The following ARHGEF7 variants were observed in gnomAD, a reference collection of about 807,000 sequenced individuals.
The protein encoded by ARHGEF7 is Rho guanine nucleotide exchange factor 7.
A neutral mutation model predicts 109.8 loss-of-function variants in ARHGEF7; 33 were observed. The ratio of observed to expected loss-of-function variants is 0.30; its 90% confidence interval spans 0.23 to 0.40. ARHGEF7 has a LOEUF of 0.40. Among genes scored for constraint, ARHGEF7 ranks in the 10% least tolerant of loss-of-function variants. ARHGEF7 has a pLI of 1.00. For missense variants in ARHGEF7, 938 were observed against 1,098.5 expected (o/e 0.85, Z 2.07); for synonymous variants, 458 against 424.6 (o/e 1.08, Z -0.97).
intron 5 of ARHGEF7, among the ~76,000 whole-genome samples, chr13:111,230,148 G>C (rs899446959): frequency 3.3e-5 from 5 of 151,818 alleles, no homozygotes; most frequent in African/African-American, 4.8e-5. Flanking sequence ...AAATTTTCTT[G>C]TTTTCAGCAT....
chr13:111,233,425 T>A, intron 6 of ARHGEF7, 132 bp downstream of exon 6: 1 of 710,970 alleles, frequency 1.4e-6, no homozygotes, highest in Non-Finnish European at 2.5e-6. Context: ...CACACAAATG[T>A]AACCACCATT....
intron 3 of ARHGEF7, among the ~76,000 whole-genome samples, chr13:111,205,624 A>G (rs1454439431): frequency 6.6e-6 from 1 of 152,170 alleles, no homozygotes; most frequent in African/African-American, 2.4e-5. Flanking sequence ...ACCTGAACGT[A>G]TAGCAGGAGA....
chr13:111,219,763 G>T (rs190535224), intron 5 of ARHGEF7, among the ~76,000 whole-genome samples: 94 of 152,080 alleles, frequency 6.2e-4, no homozygotes, highest in Non-Finnish European at 1.2e-3. Flanking sequence ...AAATCGACTT[G>T]GGCAGAATTT....
At chr13:111,216,646 G>A (rs1292084897) in intron 4 of ARHGEF7, among the ~76,000 whole-genome samples, 1 of 152,192 alleles carries the variant, frequency 6.6e-6, no homozygotes. Context: ...GTTCCCTAGA[G>A]CTCTGAACGT....
At chr13:111,207,542 A>G (rs1464607101) in intron 3 of ARHGEF7, among the ~76,000 whole-genome samples, 1 of 152,248 alleles carries the variant, frequency 6.6e-6, no homozygotes, top group Non-Finnish European at 1.5e-5. Flanking sequence ...AAAATCTACA[A>G]GTAATCCTTA....
chr13:111,299,231 G>A (rs915368471), intron 19 of ARHGEF7, among the ~76,000 whole-genome samples: 4 of 152,214 alleles, frequency 2.6e-5, no homozygotes, highest in Middle Eastern at 6.8e-3. Context: ...TGGTGCCCTC[G>A]CGTGTCAGGA....
At chr13:111,211,543 A>T (rs1432308657) in intron 4 of ARHGEF7, among the ~76,000 whole-genome samples, 1 of 152,166 alleles carries the variant, frequency 6.6e-6, no homozygotes, top group East Asian at 1.9e-4. Flanking sequence ...AAATTTCGTT[A>T]TACTAGAAAT....
At chr13:111,191,417 C>T (rs956789018) in intron 2 of ARHGEF7, among the ~76,000 whole-genome samples, 6 of 152,114 alleles carry the variant, frequency 3.9e-5, no homozygotes, top group East Asian at 1.9e-4. Context: ...AATGTAAGAA[C>T]GTAAAAGTTG....
chr13:111,221,843 T>A (rs1247607732), intron 5 of ARHGEF7, among the ~76,000 whole-genome samples: 1 of 151,882 alleles, frequency 6.6e-6, no homozygotes, highest in African/African-American at 2.4e-5. Flanking sequence ...CGTATATGTG[T>A]ATATGTATAC....
chr13:111,246,050 G>T (rs952991234), intron 8 of ARHGEF7, among the ~76,000 whole-genome samples: 2 of 152,190 alleles, frequency 1.3e-5, no homozygotes, highest in East Asian at 3.8e-4. Context: ...AGGGACAGAG[G>T]CATGTTCTGA....
At chr13:111,162,021 T>G (rs776862769) in intron 2 of ARHGEF7, among the ~76,000 whole-genome samples, 159 of 152,224 alleles carry the variant, frequency 1.0e-3, no homozygotes, top group Non-Finnish European at 2.0e-3. Flanking sequence ...TGATTTTCTT[T>G]GTAGGACAAA....
intron 5 of ARHGEF7, 95 bp downstream of exon 5, chr13:111,217,975 T>G: frequency 8.0e-7 from 1 of 1,255,986 alleles, no homozygotes; most frequent in Non-Finnish European, 1.1e-6. Flanking sequence ...GCTGGACCTG[T>G]GCAAATGACC....
chr13:111,281,180 A>AGTTTTTTTTTTTTTTTTTTT (rs1567066492), intron 15 of ARHGEF7: 1 of 60,614 alleles, frequency 1.6e-5, no homozygotes, highest in Non-Finnish European at 3.5e-5. Flanking sequence ...ATATTTAGAG[A>AGTTTTTTTTTTTTTTTTTTT]CTTTTTTTTT....
At chr13:111,256,734 G>C (rs2090466691) in intron 8 of ARHGEF7, among the ~76,000 whole-genome samples, 2 of 152,066 alleles carry the variant, frequency 1.3e-5, no homozygotes, top group Admixed American at 6.6e-5. Flanking sequence ...TGAATCATTT[G>C]CCGAGCTACC....
At chr13:111,271,415 C>T (rs899564054) in intron 9 of ARHGEF7, among the ~76,000 whole-genome samples, 20 of 152,286 alleles carry the variant, frequency 1.3e-4, no homozygotes, top group Admixed American at 7.8e-4. Context: ...GGAACACATG[C>T]GGTGTGCTCA....
At chr13:111,283,033 C>G in intron 15 of ARHGEF7, 106 bp from the exon 16 acceptor site, 1 of 1,337,124 alleles carries the variant, frequency 7.5e-7, no homozygotes, top group Non-Finnish European at 1.0e-6. Flanking sequence ...AGGTTTATTT[C>G]ACATGGAGTG....
intron 1 of ARHGEF7, among the ~76,000 whole-genome samples, chr13:111,135,672 TTA>T (rs1297620979): frequency 1.3e-5 from 2 of 152,252 alleles, no homozygotes; most frequent in African/African-American, 4.8e-5. Flanking sequence ...CTGAAGTTGC[TTA>T]TCAGCTTAAG....
intron 2 of ARHGEF7, among the ~76,000 whole-genome samples, chr13:111,162,057 A>G (rs1032508594): frequency 3.3e-5 from 5 of 152,340 alleles, no homozygotes; most frequent in East Asian, 3.9e-4. Flanking sequence ...CTGCAAGGCC[A>G]AAGGTGGGGG....
At chr13:111,296,441 C>T (rs865891842) in intron 19 of ARHGEF7, among the ~76,000 whole-genome samples, 1 of 152,206 alleles carries the variant, frequency 6.6e-6, no homozygotes, top group Middle Eastern at 3.4e-3. Context: ...CAGGATTTTT[C>T]AGCACTGGGC....
Sources: allele counts gnomAD v4.1 joint callset (sites outside exome capture counted in the v4.1 genomes callset), GRCh38; gene constraint gnomAD v4.1.1; transcripts MANE v1.5; gene names NCBI Gene and HGNC (gene_info 2026-07-23, HGNC 2026-07-21).